ADAMTS14: variants seen among roughly 807,000 people sequenced by gnomAD.
ADAMTS14 encodes A disintegrin and metalloproteinase with thrombospondin motifs 14.
A neutral mutation model predicts 128.6 loss-of-function variants in ADAMTS14; 100 were observed. The ratio of observed to expected loss-of-function variants is 0.78; its 90% CI spans 0.66 to 0.92. The LOEUF (loss-of-function observed/expected upper bound fraction) is 0.92, where lower values mean the gene tolerates loss of function less well. ADAMTS14 is among the 40% of genes least tolerant of loss of function. The pLI, the probability that ADAMTS14 is intolerant of heterozygous loss-of-function variation, is 0.00. For synonymous variants in ADAMTS14, 665 were observed against 653.8 expected, an observed-to-expected ratio of 1.02 and a Z score of -0.26; for missense variants, 1,562 against 1,658.6, an observed-to-expected ratio of 0.94 and a Z score of 1.01.
In ADAMTS14 at chr10:70,691,231, C is replaced by T. The variant is rs1158652879; in HGVS notation, c.523-11081C>T. On this transcript the variant is annotated intron_variant, in intron 2 of 21. Coordinates refer to ENST00000373207, the MANE Select transcript of ADAMTS14 (RefSeq NM_080722.4). ...GCTTTTGGCTGGGCACGGTGGCTCACACCTGTAATCCTAGCACTTTGGGAG... is the reference window on the plus strand; with the variant it reads ...GCTTTTGGCTGGGCACGGTGGCTCATACCTGTAATCCTAGCACTTTGGGAG... Among the ~76,000 whole-genome samples, 16 of 144,122 alleles carry T rather than the reference C, an allele frequency of 1.1e-4. 1 individual carries two copies. Among genetic ancestry groups the T allele is most frequent in the African/African-American group, 3.9e-4 (16 of 40,738 alleles). The allele number at this position is 144,122 out of a possible 152,430, so 94.5% of individuals were successfully genotyped here.
At chr10:70,735,684 T>C (rs1305515861) in intron 9 of ADAMTS14, among the ~76,000 whole-genome samples, 2 of 152,212 alleles carry the variant, frequency 1.3e-5, no homozygotes, top group African/African-American at 4.8e-5. Flanking sequence ...CCCCACCTTC[T>C]GCACCTGCAC....
At chr10:70,759,608 G>A (rs1842560034) in intron 21 of ADAMTS14, among the ~76,000 whole-genome samples, 1 of 152,226 alleles carries the variant, frequency 6.6e-6, no homozygotes, top group East Asian at 1.9e-4. Context: ...TAAGTGACTT[G>A]CCAAAGGCCT....
At chr10:70,752,022 T>C (rs10999511) in intron 17 of ADAMTS14, 73 bp from the exon 18 acceptor site, 399,021 of 1,550,842 alleles carry the variant, frequency 0.26, 54,921 homozygotes, top group East Asian at 0.58. Context: ...CCACAGGTAC[T>C]GCCCCTGAGG....
chr10:70,685,557 A>G (rs951463230), intron 2 of ADAMTS14, among the ~76,000 whole-genome samples: 3 of 152,114 alleles, frequency 2.0e-5, no homozygotes, highest in Non-Finnish European at 2.9e-5. Context: ...CCAGTAGAGG[A>G]AGCCGAGGCT....
chr10:70,755,167 C>T (rs965461114), intron 19 of ADAMTS14, among the ~76,000 whole-genome samples: 6 of 151,792 alleles, frequency 4.0e-5, no homozygotes, highest in Non-Finnish European at 8.8e-5. Flanking sequence ...GTTAGCTGGG[C>T]GTGGTGGTGT....
intron 8 of ADAMTS14, among the ~76,000 whole-genome samples, chr10:70,734,360 C>T (rs1323003016): frequency 6.6e-6 from 1 of 152,164 alleles, no homozygotes; most frequent in African/African-American, 2.4e-5. Flanking sequence ...GATACTTATG[C>T]CTGCTGAAGG....
intron 3 of ADAMTS14, 110 bp from the exon 4 acceptor site, chr10:70,708,478 A>G: frequency 1.1e-6 from 1 of 927,518 alleles, no homozygotes; most frequent in Non-Finnish European, 1.6e-6. Context: ...TTACTTACAG[A>G]GGCAGGGAAA....
chr10:70,738,785 C>T (rs1000015177), intron 10 of ADAMTS14, 57 bp from the exon 11 acceptor site: 34 of 1,609,322 alleles, frequency 2.1e-5, no homozygotes, highest in East Asian at 6.7e-5. Flanking sequence ...TCTGGCTCCC[C>T]GGGTGGGCTC....
At chr10:70,691,505 A>C (rs1375480515) in intron 2 of ADAMTS14, among the ~76,000 whole-genome samples, 1 of 144,666 alleles carries the variant, frequency 6.9e-6, no homozygotes, top group African/African-American at 2.5e-5. Flanking sequence ...AAAAAAAAAA[A>C]AAAACAAAGA....
chr10:70,684,989 A>G (rs72814530), intron 2 of ADAMTS14, among the ~76,000 whole-genome samples: 26,933 of 152,306 alleles, frequency 0.18, 2,932 homozygotes, highest in Middle Eastern at 0.25. Flanking sequence ...ATGGAATAAA[A>G]GCCAGACATC....
chr10:70,676,370 G>A (rs1373418556), intron 2 of ADAMTS14, among the ~76,000 whole-genome samples: 2 of 152,170 alleles, frequency 1.3e-5, no homozygotes, highest in Non-Finnish European at 2.9e-5. Context: ...ATCCATCTGT[G>A]TTTTATATAT....
At chr10:70,751,671 G>A in intron 17 of ADAMTS14, 25 bp downstream of exon 17, 1 of 1,596,534 alleles carries the variant, frequency 6.3e-7, no homozygotes, top group South Asian at 1.1e-5. Context: ...ACCCGCCAGT[G>A]CTTTGTTGGG....
intron 2 of ADAMTS14, among the ~76,000 whole-genome samples, chr10:70,684,996 C>T (rs1839914966): frequency 6.6e-6 from 1 of 152,268 alleles, no homozygotes; most frequent in Admixed American, 6.5e-5. Flanking sequence ...AAAAGCCAGA[C>T]ATCACCTCAC....
intron 4 of ADAMTS14, among the ~76,000 whole-genome samples, chr10:70,717,127 T>C (rs753279430): frequency 9.2e-5 from 14 of 152,194 alleles, no homozygotes; most frequent in African/African-American, 1.4e-4. Flanking sequence ...ATTTAGTGAG[T>C]ACGTGTTGTG....
rs1172078505 is a variant in ADAMTS14 at position 70,738,898 on chromosome 10, T to G, written c.1656T>G (p.Asp552Glu). 9.9e-6 allele frequency: 16 copies of G among 1,614,136 alleles called. No individual in the cohort carries two copies. Among genetic ancestry groups the G allele is most frequent in the Non-Finnish European group, 1.4e-5 (16 of 1,180,020 alleles). ...WKSPEQTYGQ[D>E]GGWSSWTKFG... Reference sequence around the variant, plus strand: ...CGCCGGAGCAGACATATGGCCAGGATGGAGGCTGGAGCTCCTGGACCAAGT... The same window carrying G: ...CGCCGGAGCAGACATATGGCCAGGAGGGAGGCTGGAGCTCCTGGACCAAGT... The change falls in exon 11 of 22, where the codon GAT (aspartate) becomes GAG (glutamate). Residue 552 changes from aspartate to glutamate, a missense_variant. Transcript: ENST00000373207.
Position 70,738,867 on chromosome 10 carries a change from G to A in ADAMTS14, c.1625G>A (p.Trp542Ter). The A allele has an allele frequency of 6.2e-7, 1 of 1,614,118 alleles. No individual in the cohort carries two copies. The highest frequency in any genetic ancestry group is 8.5e-7 in the Non-Finnish European group (1 of 1,180,030). ...GKWCFKGHCIWKSPEQTYGQD... is the reference protein window; with the variant it reads ...GKWCFKGHCI ...TGGTGCTTCAAAGGTCACTGCATCT[G>A]GAAGTCGCCGGAGCAGACATATGGC... Residue 542 changes from tryptophan to a stop codon, truncating the protein, a stop_gained, in exon 11 of 22, where the codon TGG (tryptophan) becomes TAG (stop). Coordinates refer to ENST00000373207, the MANE Select transcript of ADAMTS14 (RefSeq NM_080722.4). LOFTEE classifies it high-confidence loss of function.
intron 4 of ADAMTS14, among the ~76,000 whole-genome samples, chr10:70,726,979 A>T (rs1159609335): frequency 6.6e-6 from 1 of 152,160 alleles, no homozygotes; most frequent in Non-Finnish European, 1.5e-5. Context: ...GTTGGCAGGG[A>T]GCTGCTTCCC....
At chr10:70,725,826 C>T (rs1471507561) in intron 4 of ADAMTS14, among the ~76,000 whole-genome samples, 1 of 152,168 alleles carries the variant, frequency 6.6e-6, no homozygotes, top group African/African-American at 2.4e-5. Flanking sequence ...ATGCCTTCCT[C>T]TCCCCTGCTG....
At position 70,708,733 on chromosome 10, in the gene ADAMTS14, T is replaced by C; in HGVS notation, c.825T>C (p.His275=). The C allele has an allele frequency of 2.5e-6, 4 of 1,577,036 alleles. No individual in the cohort carries two copies. The highest frequency in any genetic ancestry group is 3.5e-6 in the Non-Finnish European group (4 of 1,157,456). Residue 275 remains histidine (H), a synonymous_variant, in exon 4 of 22, where the codon CAT becomes CAC. Transcript: ENST00000373207. ...TGGACGACTCGGTGGTTCGCTTCCA[T>C]GGCAAGGAGCATGTGCAGAACTATG... ...LVVDDSVVRF[H]GKEHVQNYVL...
Sources: gnomAD v4.1 joint callset for allele counts (sites outside exome capture counted in the v4.1 genomes callset) on GRCh38, gnomAD v4.1.1 for gene constraint, MANE v1.5 for transcripts, NCBI Gene and HGNC (gene_info 2026-07-23, HGNC 2026-07-21) for gene names.